Variants in MAML2 observed in about 807,000 individuals in gnomAD.
MAML2 encodes mastermind like transcriptional coactivator 2, also known as mastermind-like protein 2.
MAML2 carries 22 observed loss-of-function variants against 96.1 expected under a neutral mutation model. The observed-to-expected ratio is 0.23, with a 90% CI of 0.16 to 0.33. The LOEUF (loss-of-function observed/expected upper bound fraction) is 0.33, where lower values mean the gene tolerates loss of function less well. Ranked by LOEUF, MAML2 falls within the 10% of genes least tolerant of loss-of-function variation. The probability of loss-of-function intolerance (pLI) is 1.00; values close to 1 mark genes in which losing one functional copy is unlikely to be tolerated. For synonymous variants in MAML2, 561 were observed against 521.3 expected (o/e 1.08, Z -1.04); for missense variants, 1,367 against 1,392.4 (o/e 0.98, Z 0.29).
rs534615444 is a variant in MAML2, at chr11:96,231,564, G to C, written c.513+109819C>G. 7.9e-5 allele frequency among the ~76,000 whole-genome samples: 12 copies of C among 152,306 alleles called. No individual in the cohort carries two copies. The South Asian group carries it at 2.5e-3, about 32-fold the overall frequency. On this transcript the variant is annotated intron_variant, in intron 1 of 4. Transcript: ENST00000524717. ...AAATGAGATTGTTCTACATACAAGA[G>C]AGGGATTTTTGTAAAACTCAACTGA...
At chr11:96,243,271 T>C (rs1862461356) in intron 1 of MAML2, among the ~76,000 whole-genome samples, 2 of 152,134 alleles carry the variant, frequency 1.3e-5, no homozygotes, top group Admixed American at 1.3e-4. Flanking sequence ...AATGCGAGGA[T>C]AAGGCCCGGC....
Position 96,321,355 on chromosome 11 carries a change from C to T in MAML2, c.513+20028G>A, listed in dbSNP as rs181091245. ...AAGTTCAAGCCTCTCCTTTTTAACA[C>T]TGAAATTCCTCCTAAAGCTCCCGCT... On this transcript the variant is annotated intron_variant, in intron 1 of 4. Coordinates refer to ENST00000524717, the MANE Select transcript of MAML2 (RefSeq NM_032427.4). 3.1e-3 allele frequency among the ~76,000 whole-genome samples: 466 copies of T among 152,354 alleles called. 5 individuals are homozygous for T. Among genetic ancestry groups the T allele is most frequent in the African/African-American group, 0.011 (452 of 41,584 alleles).
intron 1 of MAML2, among the ~76,000 whole-genome samples, chr11:96,206,987 C>T (rs1029696440): frequency 5.9e-5 from 9 of 152,308 alleles, no homozygotes; most frequent in South Asian, 2.1e-4. Flanking sequence ...GAAATATCAT[C>T]GCCCAACCTC....
chr11:96,277,472 C>T (rs1863005481), intron 1 of MAML2, among the ~76,000 whole-genome samples: 1 of 151,952 alleles, frequency 6.6e-6, no homozygotes, highest in Non-Finnish European at 1.5e-5. Context: ...ACTTACTGTC[C>T]AGGCGCGGTG....
intron 1 of MAML2, among the ~76,000 whole-genome samples, chr11:96,232,778 G>T (rs1862315499): frequency 1.3e-5 from 2 of 152,236 alleles, no homozygotes; most frequent in South Asian, 2.1e-4. Context: ...GGCCAAGGAG[G>T]GCATTTCTAA....
At chr11:96,236,979 TTTTCTC>T (rs1591088538) in intron 1 of MAML2, among the ~76,000 whole-genome samples, 1 of 152,202 alleles carries the variant, frequency 6.6e-6, no homozygotes, top group Non-Finnish European at 1.5e-5. Flanking sequence ...CACTGTCTGC[TTTTCTC>T]TTTCTGACAG....
chr11:96,017,528 T>A (rs1409672674), intron 2 of MAML2, among the ~76,000 whole-genome samples: 2 of 152,094 alleles, frequency 1.3e-5, no homozygotes, highest in South Asian at 2.1e-4. Context: ...CATTTTAGTG[T>A]AGGAAGACAG....
intron 2 of MAML2, among the ~76,000 whole-genome samples, chr11:96,009,611 G>C (rs1858237457): frequency 6.6e-6 from 1 of 152,244 alleles, no homozygotes; most frequent in East Asian, 1.9e-4. Context: ...CTACTCTACT[G>C]CACTGCTCTT....
At chr11:96,193,329 A>G (rs973163065) in intron 1 of MAML2, among the ~76,000 whole-genome samples, 1 of 152,198 alleles carries the variant, frequency 6.6e-6, no homozygotes, top group East Asian at 1.9e-4. Flanking sequence ...AGGTCATGCC[A>G]TTGCACTCCA....
At chr11:96,292,229 A>G (rs1419744549) in intron 1 of MAML2, among the ~76,000 whole-genome samples, 1 of 152,206 alleles carries the variant, frequency 6.6e-6, no homozygotes, top group African/African-American at 2.4e-5. Flanking sequence ...GTCCAAAGTA[A>G]AAAATTGGCT....
chr11:96,238,108 T>C (rs1420152655), intron 1 of MAML2, among the ~76,000 whole-genome samples: 1 of 152,190 alleles, frequency 6.6e-6, no homozygotes, highest in Non-Finnish European at 1.5e-5. Flanking sequence ...AGACCTGAAA[T>C]ACCCAGCTCT....
intron 3 of MAML2, among the ~76,000 whole-genome samples, chr11:95,988,261 C>G (rs1565181933): frequency 6.8e-6 from 1 of 147,882 alleles, no homozygotes; most frequent in Non-Finnish European, 1.5e-5. Context: ...TAATTATTGA[C>G]TTTTTTTTTT....
Position 96,092,434 on chromosome 11 carries a change from T to G in MAML2, c.1597A>C (p.Lys533Gln). The G allele has an allele frequency of 6.2e-7, 1 of 1,613,812 alleles. No individual in the cohort carries two copies. The highest frequency in any genetic ancestry group is 8.5e-7 in the Non-Finnish European group (1 of 1,179,790). Reference sequence around the variant, plus strand: ...AAACTTCGACTGAGATCCTGAGGCTTTTGCTGCATGAGGACATCTAGGTGC... The same window carrying G: ...AAACTTCGACTGAGATCCTGAGGCTGTTGCTGCATGAGGACATCTAGGTGC... ...GGHLDVLMQQ[K>Q]PQDLSRSFIN... Residue 533 changes from lysine (K) to glutamine (Q), a missense_variant, in exon 2 of 5, where the codon AAG (lysine) becomes CAG (glutamine). Coordinates refer to ENST00000524717, the MANE Select transcript of MAML2 (RefSeq NM_032427.4). The surrounding 1 kb of genome is among the most constrained non-coding windows in gnomAD (Gnocchi z 4.1).
chr11:96,101,554 T>A (rs898006637), intron 1 of MAML2, among the ~76,000 whole-genome samples: 1 of 152,240 alleles, frequency 6.6e-6, no homozygotes, highest in Admixed American at 6.5e-5. Context: ...TCCTACTTAC[T>A]GTACAAGTCT....
chr11:96,016,515 A>G (rs993271661), intron 2 of MAML2, among the ~76,000 whole-genome samples: 1 of 152,176 alleles, frequency 6.6e-6, no homozygotes. Context: ...TTGATGTTTT[A>G]GAGTCCCCAC....
At position 96,269,263 on chromosome 11, in the gene MAML2, T is replaced by C. The variant is rs189044673; in HGVS notation, c.513+72120A>G. 6.9e-4 allele frequency among the ~76,000 whole-genome samples: 100 copies of C among 144,726 alleles called. 7 individuals are homozygous for C. Among genetic ancestry groups the C allele is most frequent in the Admixed American group, 1.4e-3 (19 of 13,744 alleles). 94.9% of individuals were successfully genotyped at this position (144,726 alleles called of 152,430 possible). On this transcript the variant is annotated intron_variant, in intron 1 of 4. Coordinates refer to ENST00000524717, the MANE Select transcript of MAML2 (RefSeq NM_032427.4). ...CCTCTTAGCTCTTTTCCAAAGTGTC[T>C]ATGGTTCTGTGAATCTGGTGAGATT... is the stretch of plus-strand genomic sequence containing the variant.
chr11:96,085,997 T>A (rs1366648678), intron 2 of MAML2, among the ~76,000 whole-genome samples: 1 of 152,206 alleles, frequency 6.6e-6, no homozygotes, highest in Non-Finnish European at 1.5e-5. Flanking sequence ...ATGTTTAAAA[T>A]GAAATTTGTT....
At chr11:96,129,006 G>A (rs111822502) in intron 1 of MAML2, among the ~76,000 whole-genome samples, 156 of 152,262 alleles carry the variant, frequency 1.0e-3, no homozygotes, top group African/African-American at 2.9e-3. Flanking sequence ...GGCATTTTGC[G>A]TGCATGTATC....
intron 1 of MAML2, among the ~76,000 whole-genome samples, chr11:96,338,971 C>T (rs1863954052): frequency 6.6e-6 from 1 of 152,182 alleles, no homozygotes; most frequent in East Asian, 1.9e-4. Context: ...CAGGTTAATA[C>T]AGCACTTGCA....
Sources: gnomAD v4.1 joint callset for allele counts (sites outside exome capture counted in the v4.1 genomes callset) on GRCh38, gnomAD v4.1.1 for gene constraint, Gnocchi (gnomAD v3.1) non-coding constraint, MANE v1.5 for transcripts, NCBI Gene and HGNC (gene_info 2026-07-23, HGNC 2026-07-21) for gene names.